Variants in JMJD1C observed in about 807,000 individuals in gnomAD.
The protein encoded by JMJD1C is jumonji domain-containing protein 1C.
In JMJD1C, 31 loss-of-function variants were observed where a neutral mutation model predicts 245.3. The observed-to-expected ratio is 0.13, with a 90% CI of 0.09 to 0.17. JMJD1C has a LOEUF of 0.17. Ranked by LOEUF, JMJD1C falls within the 10% of genes least tolerant of loss-of-function variation. The probability of loss-of-function intolerance (pLI) is 1.00; values close to 1 mark genes in which losing one functional copy is unlikely to be tolerated. For missense variants in JMJD1C, 2,691 were observed against 3,000.2 expected, an observed-to-expected ratio of 0.90 and a Z score of 2.41; for synonymous variants, 1,057 against 1,017.4, an observed-to-expected ratio of 1.04 and a Z score of -0.74.
chr10:63,244,058 G>A (rs1851853272), intron 3 of JMJD1C, among the ~76,000 whole-genome samples: 1 of 152,144 alleles, frequency 6.6e-6, no homozygotes, highest in African/African-American at 2.4e-5. Context: ...GAAGCATCAG[G>A]AACACCCAAA....
At chr10:63,477,893 C>A (rs1953713304) in intron 1 of JMJD1C, among the ~76,000 whole-genome samples, 2 of 151,888 alleles carry the variant, frequency 1.3e-5, no homozygotes, top group African/African-American at 4.8e-5. Context: ...ATAAAAAAAA[C>A]AAATTTTTAA....
intron 1 of JMJD1C, among the ~76,000 whole-genome samples, chr10:63,463,022 G>C (rs916521830): frequency 5.3e-5 from 8 of 151,946 alleles, no homozygotes; most frequent in East Asian, 1.9e-4. Flanking sequence ...ATGTGCCACA[G>C]GTTTGTGGCA....
At chr10:63,308,962 G>A (rs1313524501) in intron 2 of JMJD1C, among the ~76,000 whole-genome samples, 1 of 152,134 alleles carries the variant, frequency 6.6e-6, no homozygotes, top group Non-Finnish European at 1.5e-5. Flanking sequence ...GAAAGAAAAA[G>A]TGACAAAGGA....
At chr10:63,499,092 G>A (rs1330328013) in intron 1 of JMJD1C, among the ~76,000 whole-genome samples, 1 of 152,174 alleles carries the variant, frequency 6.6e-6, no homozygotes, top group Non-Finnish European at 1.5e-5. Flanking sequence ...TCCATTGTAT[G>A]TATATACCAC....
At chr10:63,325,338 TTTTTG>T (rs1264774423) in intron 2 of JMJD1C, among the ~76,000 whole-genome samples, 2 of 152,044 alleles carry the variant, frequency 1.3e-5, no homozygotes, top group South Asian at 2.1e-4. Flanking sequence ...GTGTTTTGGT[TTTTTG>T]TTTTGTTTTG....
chr10:63,427,822 A>G, intron 1 of JMJD1C: 2 of 1,098,288 alleles, frequency 1.8e-6, no homozygotes, highest in Non-Finnish European at 2.8e-6. Context: ...GGCCCCTTCT[A>G]AAACACTTGT....
intron 2 of JMJD1C, among the ~76,000 whole-genome samples, chr10:63,316,785 G>A (rs1267693899): frequency 6.6e-6 from 1 of 152,110 alleles, no homozygotes; most frequent in African/African-American, 2.4e-5. Context: ...GTGGTATTCT[G>A]CTACATGCAT....
At chr10:63,185,433 C>T (rs1330115215) in intron 20 of JMJD1C, 130 bp downstream of exon 20, 6 of 681,272 alleles carry the variant, frequency 8.8e-6, no homozygotes, top group African/African-American at 5.5e-5. Flanking sequence ...TGACGCTCAG[C>T]CTCAAGTTAT....
At chr10:63,357,949 A>T (rs896924935) in intron 2 of JMJD1C, among the ~76,000 whole-genome samples, 9 of 180 alleles carry the variant, frequency 0.05, no homozygotes, top group Non-Finnish European at 0.25. Flanking sequence ...GAACTAAATA[A>T]AAAAAAAAAA....
chr10:63,346,219 A>AT (rs1378465224), intron 2 of JMJD1C, among the ~76,000 whole-genome samples: 1 of 152,124 alleles, frequency 6.6e-6, no homozygotes, highest in Non-Finnish European at 1.5e-5. Context: ...GAAATGAATC[A>AT]TTTTTTTAAA....
intron 1 of JMJD1C, among the ~76,000 whole-genome samples, chr10:63,439,868 T>C (rs922491443): frequency 1.3e-5 from 2 of 152,182 alleles, no homozygotes. Context: ...CAAAGTTAAC[T>C]AGGAACTTAT....
intron 1 of JMJD1C, among the ~76,000 whole-genome samples, chr10:63,405,672 C>CA (rs1246568217): frequency 6.6e-6 from 1 of 151,798 alleles, no homozygotes; most frequent in African/African-American, 2.4e-5. Flanking sequence ...GGATGGGAGA[C>CA]AAAAAAGCAA....
In JMJD1C at chr10:63,337,624, A is replaced by AAAAGAAAAGAAAAG. The variant is rs139374030; in HGVS notation, c.333+42693_333+42694insCTTTTCTTTTCTTT. 9.0e-4 allele frequency among the ~76,000 whole-genome samples: 54 copies of AAAAGAAAAGAAAAG among 60,218 alleles called. 4 individuals are homozygous for AAAAGAAAAGAAAAG. Among genetic ancestry groups the AAAAGAAAAGAAAAG allele is most frequent in the African/African-American group, 3.8e-3 (51 of 13,524 alleles). The allele number at this position is 60,218 out of a possible 152,430, so 39.5% of individuals were successfully genotyped here. On this transcript the variant is annotated intron_variant, in intron 2 of 25. Transcript: ENST00000399262. ...AAAAGAAAAGAAAAGAAAAGAAAAG[A>AAAAGAAAAGAAAAG]AAAAGAAAAGAAAAAAAATCCGCTA...
chr10:63,427,330 CAGA>C, intron 1 of JMJD1C: 1 of 1,062,546 alleles, frequency 9.4e-7, no homozygotes, highest in Admixed American at 2.0e-5. Flanking sequence ...GGGCGTGCTC[CAGA>C]GTTCCTGGGA....
chr10:63,201,988 T>C (rs1009831050), intron 10 of JMJD1C, among the ~76,000 whole-genome samples: 2 of 151,056 alleles, frequency 1.3e-5, no homozygotes, highest in Non-Finnish European at 2.9e-5. Flanking sequence ...CCAGGTGCAG[T>C]GGCTCATGCC....
chr10:63,177,675 T>C (rs1210758585), intron 23 of JMJD1C, 42 bp downstream of exon 23: 2 of 1,604,382 alleles, frequency 1.2e-6, no homozygotes, highest in African/African-American at 1.3e-5. Context: ...GAATAAGTCC[T>C]TGCTTGAGGG....
chr10:63,479,816 A>G (rs1283919352), intron 1 of JMJD1C, among the ~76,000 whole-genome samples: 1 of 152,192 alleles, frequency 6.6e-6, no homozygotes, highest in Non-Finnish European at 1.5e-5. Context: ...TTGTTGTCCC[A>G]CTGAGAGTGA....
rs561086863 is a variant in JMJD1C at position 63,330,953 on chromosome 10, T to C, written c.333+49365A>G. On this transcript the variant is annotated intron_variant, in intron 2 of 25. Transcript: ENST00000399262. ...ATAAACTGTTCAAGGTAGGCATTCC[T>C]CTAAGGCTCTGCACAGTCGATTACT... is the stretch of plus-strand genomic sequence containing the variant. 6.8e-4 allele frequency among the ~76,000 whole-genome samples: 104 copies of C among 152,324 alleles called. 2 individuals are homozygous for C. In the South Asian group the frequency reaches 0.022, roughly 32 times the overall value.
chr10:63,425,612 T>A (rs940560229), intron 1 of JMJD1C, among the ~76,000 whole-genome samples: 13 of 151,816 alleles, frequency 8.6e-5, no homozygotes, highest in Non-Finnish European at 1.5e-4. Flanking sequence ...CGAGATCCCA[T>A]CTCTACAAAA....
Sources: gnomAD v4.1 joint callset for allele counts (sites outside exome capture counted in the v4.1 genomes callset) on GRCh38, gnomAD v4.1.1 for gene constraint, MANE v1.5 for transcripts, NCBI Gene and HGNC (gene_info 2026-07-23, HGNC 2026-07-21) for gene names.